The following NOTCH2 variants were observed in gnomAD, a reference collection of about 807,000 sequenced individuals.
NOTCH2 encodes notch receptor 2.
A neutral mutation model predicts 235.8 loss-of-function variants in NOTCH2; 29 were observed. The observed-to-expected ratio is 0.12, with a 90% CI of 0.09 to 0.17. NOTCH2 has a LOEUF of 0.17. NOTCH2 is among the 10% of genes least tolerant of loss of function. The pLI is 1.00. For missense variants in NOTCH2, 2,285 were observed against 3,150.2 expected (o/e 0.73, Z 6.57); for synonymous variants, 1,086 against 1,141.5 (o/e 0.95, Z 0.98).
intron 5 of NOTCH2, among the ~76,000 whole-genome samples, chr1:119,983,906 T>C (rs1553201937): frequency 6.6e-6 from 1 of 152,204 alleles, no homozygotes; most frequent in Non-Finnish European, 1.5e-5. Flanking sequence ...TTCAGCCATA[T>C]AGTCTTATCC....
chr1:119,931,365 G>A lies in NOTCH2; in HGVS notation c.3656-2153C>T, dbSNP rs146381510. Among the ~76,000 whole-genome samples the A allele has an allele frequency of 8.6e-3, 1,304 of 152,010 alleles. 6 individuals carry two copies. Among genetic ancestry groups the A allele is most frequent in the Non-Finnish European group, 0.014 (918 of 67,972 alleles). ...CTTGAATAAATGGAAAGACATACCA[G>A]GATTTGGTTAGCAAGACTCCTCATC... On this transcript the variant is annotated intron_variant, in intron 22 of 33. Transcript: ENST00000256646.
At chr1:120,040,710 TA>T (rs1442200803) in intron 1 of NOTCH2, among the ~76,000 whole-genome samples, 1 of 143,118 alleles carries the variant, frequency 7.0e-6, no homozygotes, top group Non-Finnish European at 1.5e-5. Context: ...ATCAAATCTT[TA>T]TTAAATACCA....
chr1:119,938,781 C>T (rs782064223), intron 19 of NOTCH2, among the ~76,000 whole-genome samples: 5 of 151,954 alleles, frequency 3.3e-5, no homozygotes, highest in Non-Finnish European at 7.4e-5. Flanking sequence ...CCCAGGTTCA[C>T]GCCATTCTCC....
chr1:119,916,053 C>T lies in NOTCH2; in HGVS notation c.6669G>A (p.Gln2223=), dbSNP rs2101143403. The T allele has an allele frequency of 6.2e-7, 1 of 1,613,874 alleles. No homozygotes were observed. The highest frequency in any genetic ancestry group is 1.1e-5 in the South Asian group (1 of 91,092). The change falls in exon 34 of 34, where the codon CAG becomes CAA. Residue 2223 remains glutamine (Q), a synonymous_variant. Coordinates refer to ENST00000256646, the MANE Select transcript of NOTCH2 (RefSeq NM_024408.4). ...ACACAATGTGGTGGTGGGATAGCAA[C>T]TGGCTCACTGAGGGAAGCACAGTGC... The part of the protein sequence containing the change: ...GASTVLPSVS[Q]LLSHHHIVSP...
chr1:120,055,889 C>G (rs61788947), intron 1 of NOTCH2, among the ~76,000 whole-genome samples: 9 of 148,638 alleles, frequency 6.1e-5, no homozygotes, highest in African/African-American at 7.5e-5. Context: ...GTCTCAACTA[C>G]TACAAAGAAG....
intron 4 of NOTCH2, chr1:119,996,461 T>C (rs1301136037): frequency 3.4e-6 from 2 of 581,158 alleles, no homozygotes; most frequent in African/African-American, 3.8e-5. Flanking sequence ...TACCCCAAAG[T>C]CAGAGAGGGT....
Position 119,976,744 on chromosome 1 carries a change from C to T in NOTCH2, c.875-7000G>A, listed in dbSNP as rs587697653. Among the ~76,000 whole-genome samples, 6 of 152,196 alleles carry T rather than the reference C, an allele frequency of 3.9e-5. No homozygotes were observed. The South Asian group carries it at 8.3e-4, about 21-fold the overall frequency. On this transcript the variant is annotated intron_variant, in intron 5 of 33. Coordinates refer to ENST00000256646, the MANE Select transcript of NOTCH2 (RefSeq NM_024408.4). ...TTCTGCCTATCTCTTTAGGCTCTAA[C>T]CATGAAATATCACTAGCTCCAGCCA...
intron 2 of NOTCH2, among the ~76,000 whole-genome samples, chr1:120,009,738 A>T (rs1428288702): frequency 6.7e-6 from 1 of 148,774 alleles, no homozygotes; most frequent in Non-Finnish European, 1.5e-5. Flanking sequence ...CGTTTTAATC[A>T]TTTTACCTTG....
chr1:119,929,012 T>G lies in NOTCH2; in HGVS notation c.3856A>C (p.Asn1286His). 2 of 1,614,148 alleles carry G rather than the reference T, an allele frequency of 1.2e-6. No homozygotes were observed. The highest frequency in any genetic ancestry group is 4.5e-5 in the East Asian group (2 of 44,872). ...EGSLDCIQLTNDYLCVCRSAF... is the reference protein window; with the variant it reads ...EGSLDCIQLTHDYLCVCRSAF... Reference sequence around the variant, plus strand: ...CTACGGCAAACACACAGGTAGTCATTGGTGAGCTGTATACAGTCCAGGCTG... The same window carrying G: ...CTACGGCAAACACACAGGTAGTCATGGGTGAGCTGTATACAGTCCAGGCTG... Residue 1286 changes from asparagine to histidine, a missense_variant, in exon 23 of 34, where the codon AAT (asparagine) becomes CAT (histidine). Physicochemically the swap from Asn to His is moderately conservative, Grantham distance 68. Coordinates refer to ENST00000256646, the MANE Select transcript of NOTCH2 (RefSeq NM_024408.4).
At chr1:120,047,772 T>G (rs1654844655) in intron 1 of NOTCH2, among the ~76,000 whole-genome samples, 1 of 139,942 alleles carries the variant, frequency 7.1e-6, no homozygotes, top group African/African-American at 2.9e-5. Flanking sequence ...TTGGTTTTTT[T>G]TTTTTTTTTT....
At chr1:120,023,647 CATT>C (rs1448608978) in intron 2 of NOTCH2, among the ~76,000 whole-genome samples, 1 of 131,968 alleles carries the variant, frequency 7.6e-6, no homozygotes, top group Non-Finnish European at 1.5e-5. Context: ...TACATACAAA[CATT>C]ATTTTGATTA....
chr1:119,918,852 A>G (rs1477236004), intron 31 of NOTCH2, among the ~76,000 whole-genome samples: 1 of 152,230 alleles, frequency 6.6e-6, no homozygotes, highest in African/African-American at 2.4e-5. Context: ...ATACAGCCTA[A>G]GGTGATTCAG....
At chr1:119,938,821 C>G (rs943685693) in intron 19 of NOTCH2, among the ~76,000 whole-genome samples, 1 of 152,258 alleles carries the variant, frequency 6.6e-6, no homozygotes, top group Non-Finnish European at 1.5e-5. Flanking sequence ...GCTGGGACTA[C>G]AGGCACCCGC....
intron 10 of NOTCH2, 92 bp from the exon 11 acceptor site, chr1:119,963,899 AT>A: frequency 2.8e-6 from 3 of 1,086,712 alleles, no homozygotes; most frequent in South Asian, 1.3e-5. Flanking sequence ...TACTCTACAC[AT>A]TCGATGTGTG....
In NOTCH2 at chr1:119,914,140, A is replaced by G; in HGVS notation, c.*1166T>C. 4.3e-6 allele frequency: 1 copy of G among 233,294 alleles called. No homozygotes were observed. The highest frequency in any genetic ancestry group is 8.5e-6 in the Non-Finnish European group (1 of 118,042). 14.5% of individuals were successfully genotyped at this position (233,294 alleles called of 1,614,324 possible). A position where few individuals can be genotyped will look rare whatever the true frequency, so the allele number is the denominator to read the frequency against. ...ATGGCAAGGGTACAACATTTGAGAC[A>G]GTGTCTTCTGTGGATATGAAAGGAA... On this transcript the variant is annotated 3_prime_UTR_variant, in exon 34 of 34. Coordinates refer to ENST00000256646, the MANE Select transcript of NOTCH2 (RefSeq NM_024408.4).
At chr1:119,930,650 A>G (rs1174367556) in intron 22 of NOTCH2, among the ~76,000 whole-genome samples, 1 of 151,766 alleles carries the variant, frequency 6.6e-6, no homozygotes, top group Non-Finnish European at 1.5e-5. Flanking sequence ...GTGGTGGTAC[A>G]TGTCTGTAAT....
chr1:119,999,996 GAAGGAAGGAAGGAAGGAAGGGAGA>G (rs1652680267), intron 3 of NOTCH2, among the ~76,000 whole-genome samples: 1 of 146,696 alleles, frequency 6.8e-6, no homozygotes, highest in South Asian at 2.2e-4. Context: ...AGGAAGGAAG[GAAGGAAGGAAGGAAGGAAGGGAGA>G]AAGGAAGGAA....
In NOTCH2 at chr1:119,937,409, G is replaced by T; in HGVS notation, c.3395C>A (p.Thr1132Lys). The T allele has an allele frequency of 6.2e-7, 1 of 1,614,118 alleles. No homozygotes were observed. Among genetic ancestry groups the T allele is most frequent in the Non-Finnish European group, 8.5e-7 (1 of 1,180,036 alleles). Residue 1132 changes from threonine (T) to lysine (K), a missense_variant, in exon 21 of 34, where the codon ACG becomes AAG. Thr to Lys is a moderately conservative substitution (Grantham distance 78). This residue lies in a region of NOTCH2 where 1,173 missense variants were observed against 1,515.3 expected (regional missense o/e 0.77). Coordinates refer to ENST00000256646, the MANE Select transcript of NOTCH2 (RefSeq NM_024408.4). ...HSGVCINAGN[T>K]HYCQCPLGYT... ...GCCCAGGGGGCACTGACAGTAATGC[G>T]TGTTGCCAGCATTGATGCAGACACC...
chr1:119,956,776 T>C (rs1374201267), intron 12 of NOTCH2, among the ~76,000 whole-genome samples: 1 of 152,224 alleles, frequency 6.6e-6, no homozygotes, highest in African/African-American at 2.4e-5. Context: ...TTTTCTTTAT[T>C]TGCTTTTAAA....
Sources: allele counts gnomAD v4.1 joint callset (sites outside exome capture counted in the v4.1 genomes callset), GRCh38; gene constraint gnomAD v4.1.1; regional missense constraint gnomAD v4.1.1; transcripts MANE v1.5; gene names NCBI Gene and HGNC (gene_info 2026-07-23, HGNC 2026-07-21).